AK9: variants seen among roughly 807,000 people sequenced by gnomAD.
The protein encoded by AK9 is adenylate kinase domain containing 1.
A neutral mutation model predicts 239.6 loss-of-function variants in AK9; 191 were observed. The observed-to-expected ratio is 0.80, with a 90% CI of 0.71 to 0.90. The LOEUF is 0.90. AK9 is among the 40% of genes least tolerant of loss of function. The pLI, the probability that AK9 is intolerant of heterozygous loss-of-function variation, is 0.00. For missense variants in AK9, 1,995 were observed against 2,214.7 expected (o/e 0.90, Z 1.99); for synonymous variants, 689 against 721.0 (o/e 0.96, Z 0.71).
chr6:109,521,314 C>T (rs1416874606), intron 29 of AK9, among the ~76,000 whole-genome samples: 1 of 152,042 alleles, frequency 6.6e-6, no homozygotes, highest in Non-Finnish European at 1.5e-5. Context: ...AGCTAACTTA[C>T]ATCACTCCTC....
At chr6:109,585,789 T>C in intron 18 of AK9, 127 bp downstream of exon 18, 1 of 874,072 alleles carries the variant, frequency 1.1e-6, no homozygotes, top group Non-Finnish European at 1.7e-6. Flanking sequence ...TACCTCTAGT[T>C]CCTGCAGGGA....
chr6:109,664,110 G>A (rs182243672), intron 5 of AK9, among the ~76,000 whole-genome samples: 1 of 152,240 alleles, frequency 6.6e-6, no homozygotes, highest in African/African-American at 2.4e-5. Context: ...TGCAATTTAT[G>A]TTAACAAGTC....
chr6:109,530,307 G>A (rs927070190), intron 28 of AK9, among the ~76,000 whole-genome samples: 1 of 152,116 alleles, frequency 6.6e-6, no homozygotes, highest in African/African-American at 2.4e-5. Context: ...ACATTCCTGA[G>A]AACTTATGCC....
At chr6:109,619,376 G>A (rs1436524964) in intron 12 of AK9, 140 bp from the exon 13 acceptor site, 6 of 997,898 alleles carry the variant, frequency 6.0e-6, no homozygotes, top group Non-Finnish European at 8.1e-6. Context: ...TATATTTGGA[G>A]TTATGTTCAG....
At chr6:109,655,752 T>C (rs1799609447) in intron 8 of AK9, among the ~76,000 whole-genome samples, 1 of 152,232 alleles carries the variant, frequency 6.6e-6, no homozygotes, top group Non-Finnish European at 1.5e-5. Context: ...TTTGGCTTTA[T>C]TTCATACCCA....
At chr6:109,648,051 G>A (rs926352069) in intron 8 of AK9, among the ~76,000 whole-genome samples, 22 of 152,096 alleles carry the variant, frequency 1.4e-4, no homozygotes, top group Non-Finnish European at 3.2e-4. Context: ...CGAGAACAAA[G>A]ACACAACATA....
chr6:109,588,579 C>T (rs1230409165), intron 17 of AK9, among the ~76,000 whole-genome samples: 2 of 152,046 alleles, frequency 1.3e-5, no homozygotes, highest in Admixed American at 1.3e-4. Context: ...TCTTCAGAAA[C>T]TTTTCATTTA....
chr6:109,612,901 T>G (rs909421136), intron 15 of AK9, among the ~76,000 whole-genome samples: 2 of 149,694 alleles, frequency 1.3e-5, no homozygotes, highest in African/African-American at 4.9e-5. Context: ...ATATAAAAAT[T>G]TATACAAATA....
intron 12 of AK9, among the ~76,000 whole-genome samples, chr6:109,622,199 AT>A (rs1290183809): frequency 6.9e-6 from 1 of 145,266 alleles, no homozygotes; most frequent in Non-Finnish European, 1.5e-5. Context: ...TAATATACAT[AT>A]TGTATATATT....
chr6:109,521,337 G>T (rs1779843688), intron 29 of AK9, among the ~76,000 whole-genome samples: 2 of 151,966 alleles, frequency 1.3e-5, no homozygotes, highest in South Asian at 4.1e-4. Context: ...TCTGCCTGTT[G>T]CCCAGTTTTA....
chr6:109,619,156 G>A lies in AK9; in HGVS notation c.1335C>T (p.Ala445=). ...TCACAACTTTAATTGCTGCTGCAGT[G>A]GCCTCAGCTATGGTATTTTCTACTA... ...ETLVENTIAE[A]TAAAIKVVKE... The change falls in exon 13 of 41, where the codon GCC becomes GCT. Residue 445 remains alanine, a synonymous_variant. Transcript: ENST00000424296. 3 of 1,549,360 alleles carry A rather than the reference G, an allele frequency of 1.9e-6. No homozygotes were observed. The highest frequency in any genetic ancestry group is 2.7e-5 in the African/African-American group (2 of 72,874).
At position 109,599,288 on chromosome 6, in the gene AK9, C is replaced by T. The variant is rs1486068514; in HGVS notation, c.1842+11077G>A. On this transcript the variant is annotated intron_variant, in intron 17 of 40. Transcript: ENST00000424296. ...GAAGGGATCCAGTTTCAGCTTTCTA[C>T]GTATGGCTAGCCAGTTTTCCCAGCA... 5.3e-5 allele frequency among the ~76,000 whole-genome samples: 8 copies of T among 152,272 alleles called. No individual in the cohort carries two copies. The East Asian group carries it at 7.7e-4, about 15-fold the overall frequency.
chr6:109,544,551 T>C (rs1194015710), intron 26 of AK9, among the ~76,000 whole-genome samples: 1 of 152,188 alleles, frequency 6.6e-6, no homozygotes. Flanking sequence ...CACCTCACTC[T>C]CTTTCTCCTG....
Position 109,514,345 on chromosome 6 carries a change from A to T in AK9, c.4158T>A (p.Ser1386Arg). 1 of 1,551,088 alleles carries T rather than the reference A, an allele frequency of 6.4e-7. No individual in the cohort carries two copies. The highest frequency in any genetic ancestry group is 8.7e-7 in the Non-Finnish European group (1 of 1,146,604). ...TCATAAATTTTTCTTTTGTTTCTTT[A>T]CTAGATAAAAAATAAATATACTGAC... The part of the protein sequence containing the change: ...IHRQYIYFLS[S>R]KETKEKFMKN... The change falls in exon 32 of 41, where the codon AGT becomes AGA. Residue 1386 changes from serine (S) to arginine (R), a missense_variant. Around this residue, in one of 5 missense-constraint regions of AK9, gnomAD observed 1,290 missense variants for 1,392.7 expected, o/e 0.93. Coordinates refer to ENST00000424296, the MANE Select transcript of AK9 (RefSeq NM_001145128.3).
intron 26 of AK9, among the ~76,000 whole-genome samples, chr6:109,543,730 G>A (rs1422504158): frequency 6.6e-6 from 1 of 152,052 alleles, no homozygotes; most frequent in Admixed American, 6.5e-5. Flanking sequence ...TTACAGGCGT[G>A]AGCGACCGTG....
chr6:109,521,543 C>A (rs892710101), intron 29 of AK9, among the ~76,000 whole-genome samples: 9 of 151,996 alleles, frequency 5.9e-5, no homozygotes, highest in African/African-American at 9.7e-5. Context: ...ACATTTATGT[C>A]CCTGTCCTAT....
intron 17 of AK9, among the ~76,000 whole-genome samples, chr6:109,592,239 T>C (rs1408794350): frequency 1.3e-5 from 2 of 152,190 alleles, no homozygotes; most frequent in African/African-American, 4.8e-5. Flanking sequence ...AAAGTTGCTA[T>C]ACTACAGCAA....
chr6:109,511,619 T>C (rs1271847488), intron 32 of AK9, among the ~76,000 whole-genome samples: 1 of 152,106 alleles, frequency 6.6e-6, no homozygotes, highest in Non-Finnish European at 1.5e-5. Flanking sequence ...CTGAGCACTG[T>C]GTGGAGATAG....
At chr6:109,602,244 C>G (rs1389116424) in intron 17 of AK9, among the ~76,000 whole-genome samples, 2 of 152,174 alleles carry the variant, frequency 1.3e-5, no homozygotes, top group Admixed American at 1.3e-4. Context: ...GTGCTTCCTT[C>G]AGGAGCTCTT....
Sources: allele counts gnomAD v4.1 joint callset (sites outside exome capture counted in the v4.1 genomes callset), GRCh38; gene constraint gnomAD v4.1.1; regional missense constraint gnomAD v4.1.1; transcripts MANE v1.5; gene names NCBI Gene and HGNC (gene_info 2026-07-23, HGNC 2026-07-21).